Variants in TJP2 observed in about 807,000 individuals in gnomAD.
TJP2 encodes the protein tight junction protein 2, also known as Friedreich ataxia region gene X104 (tight junction protein ZO-2).
TJP2 carries 91 observed loss-of-function variants against 133.1 expected under a neutral mutation model. The ratio of observed to expected loss-of-function variants is 0.68; its 90% CI spans 0.58 to 0.81. The LOEUF is 0.81. Ranked by LOEUF, TJP2 falls within the 40% of genes least tolerant of loss-of-function variation. TJP2 has a pLI of 0.00. For missense variants in TJP2, 1,541 were observed against 1,565.6 expected (o/e 0.98, Z 0.26); for synonymous variants, 592 against 583.4 (o/e 1.01, Z -0.21).
At chr9:69,236,871 G>T in intron 13 of TJP2, 78 bp from the exon 14 acceptor site, 1 of 1,509,936 alleles carries the variant, frequency 6.6e-7, no homozygotes, top group South Asian at 1.1e-5. Context: ...AAGTAAAATT[G>T]ACTGGATTTG....
chr9:69,227,627 T>C, intron 7 of TJP2, 138 bp from the exon 8 acceptor site: 1 of 651,774 alleles, frequency 1.5e-6, no homozygotes, highest in Non-Finnish European at 2.6e-6. Flanking sequence ...AGGGGAGGAC[T>C]ATTAGACTAA....
At chr9:69,214,622 A>G (rs1828207889) in intron 2 of TJP2, among the ~76,000 whole-genome samples, 1 of 152,156 alleles carries the variant, frequency 6.6e-6, no homozygotes, top group African/African-American at 2.4e-5. Flanking sequence ...TAATCCCCAC[A>G]CTTTGGGAGG....
chr9:69,157,482 T>C (rs1464565361), intron 2 of TJP2, among the ~76,000 whole-genome samples: 1 of 151,586 alleles, frequency 6.6e-6, no homozygotes, highest in Non-Finnish European at 1.5e-5. Context: ...TTTTTTTTTT[T>C]TGAGACAGAG....
chr9:69,190,234 A>C (rs2993820), intron 1 of TJP2, among the ~76,000 whole-genome samples: 70,621 of 152,064 alleles, frequency 0.46, 16,661 homozygotes, highest in South Asian at 0.53. Context: ...GATCAGGAGC[A>C]ATGGTTTTTA....
At chr9:69,140,326 A>G (rs1171394916) in intron 1 of TJP2, among the ~76,000 whole-genome samples, 2 of 152,152 alleles carry the variant, frequency 1.3e-5, no homozygotes, top group Non-Finnish European at 2.9e-5. Flanking sequence ...TGAGGTAGGC[A>G]CTATTATTAG....
At chr9:69,159,748 C>G (rs7874913) in intron 2 of TJP2, among the ~76,000 whole-genome samples, 9 of 151,750 alleles carry the variant, frequency 5.9e-5, no homozygotes, top group Admixed American at 1.3e-4. Flanking sequence ...TGGTGGAACG[C>G]GCCTGTAGTC....
chr9:69,218,174 C>T, intron 3 of TJP2, 83 bp from the exon 4 acceptor site: 1 of 1,179,196 alleles, frequency 8.5e-7, no homozygotes, highest in Non-Finnish European at 1.3e-6. Context: ...GGTCTATTTG[C>T]TGCTTCTATT....
intron 1 of TJP2, among the ~76,000 whole-genome samples, chr9:69,144,380 C>T (rs539345849): frequency 1.3e-5 from 2 of 152,280 alleles, no homozygotes; most frequent in East Asian, 3.9e-4. Context: ...TCACTTTGGA[C>T]ATCTAGGTTA....
At chr9:69,145,814 A>AGGTTCTG (rs1157328125) in intron 1 of TJP2, 18 of 1,231,870 alleles carry the variant, frequency 1.5e-5, no homozygotes, top group Non-Finnish European at 1.8e-5. Flanking sequence ...TTTGGCAACA[A>AGGTTCTG]CCTGGGTAAG....
chr9:69,182,467 T>G (rs1415310164), intron 1 of TJP2, among the ~76,000 whole-genome samples: 2 of 152,026 alleles, frequency 1.3e-5, no homozygotes, highest in Non-Finnish European at 1.5e-5. Flanking sequence ...TGAGCCTAAA[T>G]TGAATTTTAA....
At chr9:69,228,998 G>A (rs1222874997) in intron 9 of TJP2, among the ~76,000 whole-genome samples, 186 bp from the exon 10 acceptor site, 6 of 152,118 alleles carry the variant, frequency 3.9e-5, no homozygotes, top group Non-Finnish European at 7.4e-5. Context: ...TTTATCTCTT[G>A]TATTTTGAGA....
intron 1 of TJP2, among the ~76,000 whole-genome samples, chr9:69,181,916 A>G (rs1332674097): frequency 6.6e-6 from 1 of 152,192 alleles, no homozygotes; most frequent in Admixed American, 6.5e-5. Context: ...CTTACTTTGC[A>G]GCTTAAGCCA....
intron 14 of TJP2, 143 bp from the exon 15 acceptor site, chr9:69,237,735 C>A (rs1830296582): frequency 2.9e-6 from 2 of 686,938 alleles, no homozygotes; most frequent in South Asian, 3.1e-5. Context: ...GCATATTCTT[C>A]AGAACAGAGC....
In TJP2 at chr9:69,137,271, T is replaced by TTCTTTC. The variant is rs61042405; in HGVS notation, c.-130-14379_-130-14378insCTTTCT. 1.4e-3 allele frequency among the ~76,000 whole-genome samples: 125 copies of TTCTTTC among 91,990 alleles called. 2 individuals are homozygous for TTCTTTC. Among genetic ancestry groups the TTCTTTC allele is most frequent in the East Asian group, 3.7e-3 (9 of 2,424 alleles). The allele number at this position is 91,990 out of a possible 152,430, so 60.3% of individuals were successfully genotyped here. On this transcript the variant is annotated intron_variant, in intron 1 of 5. Coordinates refer to the TJP2 transcript ENST00000423935. ...TCTCTTTCTTTCTTTCTTTCTTTCT[T>TTCTTTC]TTTCTTTCTTTCTTTCTTTCTTTCT...
At chr9:69,216,921 A>G (rs182825252) in intron 3 of TJP2, among the ~76,000 whole-genome samples, 12 of 152,302 alleles carry the variant, frequency 7.9e-5, no homozygotes, top group African/African-American at 2.9e-4. Flanking sequence ...CAAGTTTTCC[A>G]ACTGCCAGCT....
chr9:69,192,154 A>C (rs974188902), intron 1 of TJP2, among the ~76,000 whole-genome samples: 7 of 151,712 alleles, frequency 4.6e-5, no homozygotes, highest in Non-Finnish European at 1.0e-4. Flanking sequence ...GTTTATAGCA[A>C]CCTCTACATA....
intron 1 of TJP2, among the ~76,000 whole-genome samples, chr9:69,146,606 G>A (rs887607160): frequency 6.6e-6 from 1 of 152,144 alleles, no homozygotes; most frequent in African/African-American, 2.4e-5. Context: ...AAAAATAAGG[G>A]GGAAAATTAC....
At chr9:69,249,179 A>G (rs1167041800) in intron 19 of TJP2, 196 bp from the exon 20 acceptor site, 1 of 985,438 alleles carries the variant, frequency 1.0e-6, no homozygotes. Context: ...AAGAGACTCT[A>G]CATTGGATGC....
At chr9:69,152,144 TGAG>T (rs529269991) in intron 2 of TJP2, among the ~76,000 whole-genome samples, 103 of 152,264 alleles carry the variant, frequency 6.8e-4, no homozygotes, top group Non-Finnish European at 1.0e-3. Flanking sequence ...TCATTATCAT[TGAG>T]GTAGTAAAAT....
Sources: gnomAD v4.1 joint callset for allele counts (sites outside exome capture counted in the v4.1 genomes callset) on GRCh38, gnomAD v4.1.1 for gene constraint, MANE v1.5 for transcripts, NCBI Gene and HGNC (gene_info 2026-07-23, HGNC 2026-07-21) for gene names.